The following CCDC158 variants were observed in gnomAD, a reference collection of about 807,000 sequenced individuals.
CCDC158 encodes the protein coiled-coil domain containing 158.
CCDC158 carries 116 observed loss-of-function variants against 138.6 expected under a neutral mutation model. That is an observed-to-expected ratio of 0.84 (90% CI 0.72 to 0.98). The LOEUF is 0.98. CCDC158 is among the 50% of genes least tolerant of loss of function. The pLI is 0.00. For synonymous variants in CCDC158, 436 were observed against 442.4 expected (o/e 0.99, Z 0.18); for missense variants, 1,265 against 1,306.1 (o/e 0.97, Z 0.48).
intron 4 of CCDC158, among the ~76,000 whole-genome samples, chr4:76,386,514 C>T (rs946083274): frequency 6.6e-6 from 1 of 151,570 alleles, no homozygotes; most frequent in Admixed American, 6.6e-5. Flanking sequence ...TTCCTATGCT[C>T]AGGCCTGCTC....
intron 9 of CCDC158, among the ~76,000 whole-genome samples, chr4:76,372,865 T>G (rs1312529393): frequency 1.3e-5 from 2 of 152,192 alleles, no homozygotes; most frequent in Non-Finnish European, 2.9e-5. Context: ...TCTTTTTTTT[T>G]TGAAATGGAA....
chr4:76,396,602 C>T, intron 3 of CCDC158, 116 bp from the exon 4 acceptor site: 1 of 692,732 alleles, frequency 1.4e-6, no homozygotes, highest in South Asian at 2.0e-5. Flanking sequence ...CCTCTGCCTC[C>T]CGGGTTCAAG....
intron 11 of CCDC158, among the ~76,000 whole-genome samples, chr4:76,369,021 C>T (rs1560435175): frequency 6.6e-6 from 1 of 152,074 alleles, no homozygotes; most frequent in African/African-American, 2.4e-5. Flanking sequence ...CGAGACCATC[C>T]TGGCTAACAT....
chr4:76,328,914 G>T lies in CCDC158; in HGVS notation c.2996C>A (p.Thr999Lys). ...GDREDPSGCF[T>K]FTSAASPSVK... Reference sequence around the variant, plus strand: ...TGGAAACTCACCTGCAGATGTGAATGTGAAGCAACCAGAGGGATCTTCCCT... The same window carrying T: ...TGGAAACTCACCTGCAGATGTGAATTTGAAGCAACCAGAGGGATCTTCCCT... The change falls in exon 22 of 25, where the codon ACA becomes AAA. Residue 999 changes from threonine to lysine, a missense_variant. By Grantham distance (78) the Thr-to-Lys change is moderately conservative. Coordinates refer to ENST00000682701, the MANE Select transcript of CCDC158 (RefSeq NM_001394954.1). 1.9e-6 allele frequency: 3 copies of T among 1,613,774 alleles called. No individual in the cohort carries two copies. Among genetic ancestry groups the T allele is most frequent in the Non-Finnish European group, 2.5e-6 (3 of 1,179,670 alleles).
rs533975151 is a variant in CCDC158, at chr4:76,331,305, A to C, written c.2942+39T>G. The C allele has an allele frequency of 1.5e-5, 24 of 1,558,928 alleles. No individual in the cohort carries two copies. The South Asian group carries it at 2.6e-4, about 17-fold the overall frequency. On this transcript the variant is annotated intron_variant, in intron 21 of 24. Coordinates refer to ENST00000682701, the MANE Select transcript of CCDC158 (RefSeq NM_001394954.1). Reference sequence around the variant, plus strand: ...TTTTGAATTAATAATGAACAGTCGTAAAAGGGACATTTTGAAAATGGGGGC... The same window carrying C: ...TTTTGAATTAATAATGAACAGTCGTCAAAGGGACATTTTGAAAATGGGGGC...
At chr4:76,328,144 T>G (rs1402228156) in intron 22 of CCDC158, among the ~76,000 whole-genome samples, 1 of 152,276 alleles carries the variant, frequency 6.6e-6, no homozygotes, top group Non-Finnish European at 1.5e-5. Context: ...CTCTTCTTTC[T>G]GGAGCTTTTT....
chr4:76,353,601 A>G (rs2110181080), intron 15 of CCDC158, among the ~76,000 whole-genome samples: 1 of 152,328 alleles, frequency 6.6e-6, no homozygotes, highest in Middle Eastern at 3.4e-3. Context: ...CGTATATCAA[A>G]TTTTACTAAA....
At chr4:76,349,861 G>A (rs886073075) in intron 18 of CCDC158, among the ~76,000 whole-genome samples, 1 of 152,024 alleles carries the variant, frequency 6.6e-6, no homozygotes, top group Non-Finnish European at 1.5e-5. Context: ...AATCTTTCTT[G>A]GTGACCCTAG....
chr4:76,385,206 C>T (rs1046095371), intron 4 of CCDC158, among the ~76,000 whole-genome samples: 12 of 152,052 alleles, frequency 7.9e-5, no homozygotes, highest in Non-Finnish European at 1.0e-4. Context: ...CAAATTCTGC[C>T]CATGAATAGA....
At chr4:76,359,322 A>G (rs1020585739) in intron 13 of CCDC158, among the ~76,000 whole-genome samples, 1 of 152,240 alleles carries the variant, frequency 6.6e-6, no homozygotes, top group African/African-American at 2.4e-5. Flanking sequence ...CCAGAGAGGT[A>G]GGATACTGCT....
chr4:76,319,520 A>G (rs1719808277), intron 24 of CCDC158, among the ~76,000 whole-genome samples: 1 of 125,152 alleles, frequency 8.0e-6, no homozygotes, highest in Non-Finnish European at 1.7e-5. Context: ...GTCCATGATG[A>G]ACATAGATGC....
chr4:76,344,825 G>A lies in CCDC158; in HGVS notation c.2664+6171C>T, dbSNP rs572435631. ...GTCCTCGAGAGAAGATGCAGAAACC[G>A]GGAGAGGGTGAAGGGTCTATGACCA... On this transcript the variant is annotated intron_variant, in intron 18 of 24. Transcript: ENST00000682701. 8.1e-4 allele frequency: 1,295 copies of A among 1,599,300 alleles called. 6 individuals carry two copies. The Middle Eastern group carries it at 0.011, about 14-fold the overall frequency.
At chr4:76,413,007 T>C (rs1329509522) in intron 1 of CCDC158, among the ~76,000 whole-genome samples, 1 of 152,184 alleles carries the variant, frequency 6.6e-6, no homozygotes, top group African/African-American at 2.4e-5. Flanking sequence ...TTAACTGCTC[T>C]TCACTGTTTG....
intron 12 of CCDC158, among the ~76,000 whole-genome samples, chr4:76,366,481 G>T (rs1578986983): frequency 6.6e-6 from 1 of 152,136 alleles, no homozygotes; most frequent in African/African-American, 2.4e-5. Context: ...CCATTAAATT[G>T]TGTTAAATTT....
chr4:76,408,434 G>C (rs1266690637), intron 2 of CCDC158, among the ~76,000 whole-genome samples: 1 of 151,290 alleles, frequency 6.6e-6, no homozygotes, highest in Non-Finnish European at 1.5e-5. Context: ...AGAACATGCG[G>C]TGTTTGGTTT....
intron 4 of CCDC158, among the ~76,000 whole-genome samples, chr4:76,386,938 T>C (rs1390298306): frequency 6.6e-6 from 1 of 152,196 alleles, no homozygotes; most frequent in African/African-American, 2.4e-5. Context: ...TCAGCAAGCC[T>C]CACCACCACA....
chr4:76,323,763 T>C (rs947659268), intron 23 of CCDC158, among the ~76,000 whole-genome samples: 2 of 152,198 alleles, frequency 1.3e-5, no homozygotes, highest in Non-Finnish European at 2.9e-5. Context: ...CCTGAGTAGT[T>C]TGATTAACTT....
chr4:76,381,316 C>G (rs1726223220), intron 8 of CCDC158, among the ~76,000 whole-genome samples: 1 of 152,222 alleles, frequency 6.6e-6, no homozygotes, highest in Non-Finnish European at 1.5e-5. Flanking sequence ...CTGTACAATG[C>G]AGAGCAACAA....
At position 76,323,424 on chromosome 4, in the gene CCDC158, C is replaced by T; in HGVS notation, c.3170-15G>A. Reference sequence around the variant, plus strand: ...AGACTGTGAATCTATTAGAAAATTGCTTAGATGTGATATTAAAAGTCTACT... The same window carrying T: ...AGACTGTGAATCTATTAGAAAATTGTTTAGATGTGATATTAAAAGTCTACT... On this transcript the variant is annotated splice_polypyrimidine_tract_variant and intron_variant, in intron 23 of 24. Coordinates refer to ENST00000682701, the MANE Select transcript of CCDC158 (RefSeq NM_001394954.1). 3 of 1,576,252 alleles carry T rather than the reference C, an allele frequency of 1.9e-6. No individual in the cohort carries two copies. The highest frequency in any genetic ancestry group is 2.6e-6 in the Non-Finnish European group (3 of 1,152,460).
Sources: allele counts gnomAD v4.1 joint callset (sites outside exome capture counted in the v4.1 genomes callset), GRCh38; gene constraint gnomAD v4.1.1; transcripts MANE v1.5; gene names NCBI Gene and HGNC (gene_info 2026-07-23, HGNC 2026-07-21).